ARNT: variants seen among roughly 807,000 people sequenced by gnomAD.
ARNT encodes the protein class E basic helix-loop-helix protein 2.
Under a neutral mutation model 105.0 loss-of-function variants are expected in ARNT, and 30 were observed. That is an observed-to-expected ratio of 0.29 (90% confidence interval 0.21 to 0.39). The LOEUF is 0.39. ARNT is among the 10% of genes least tolerant of loss of function. ARNT has a pLI of 1.00. For synonymous variants in ARNT, 304 were observed against 344.0 expected (o/e 0.88, Z 1.29); for missense variants, 748 against 978.7 (o/e 0.76, Z 3.15).
chr1:150,818,250 G>T, intron 14 of ARNT: 1 of 449,730 alleles, frequency 2.2e-6, no homozygotes, highest in Non-Finnish European at 4.0e-6. Context: ...TCATCTTGTT[G>T]GGTTCTAACT....
At chr1:150,862,247 G>A (rs866742025) in intron 1 of ARNT, among the ~76,000 whole-genome samples, 5 of 152,082 alleles carry the variant, frequency 3.3e-5, no homozygotes, top group South Asian at 2.1e-4. Flanking sequence ...ATGCACAGGT[G>A]CCAGTACTTC....
chr1:150,854,168 C>G (rs1664129302), intron 2 of ARNT, among the ~76,000 whole-genome samples: 1 of 152,194 alleles, frequency 6.6e-6, no homozygotes, highest in South Asian at 2.1e-4. Context: ...TCACTGCCAC[C>G]TTGAGCTCCT....
intron 1 of ARNT, among the ~76,000 whole-genome samples, chr1:150,871,078 T>G (rs1010115520): frequency 1.1e-4 from 17 of 151,998 alleles, no homozygotes; most frequent in Non-Finnish European, 2.2e-4. Flanking sequence ...TTGAAGAGTT[T>G]ATGTGAAAAG....
intron 12 of ARNT, among the ~76,000 whole-genome samples, chr1:150,828,355 T>G (rs900234217): frequency 4.7e-5 from 7 of 149,810 alleles, no homozygotes; most frequent in South Asian, 2.2e-4. Flanking sequence ...TTTTTGTTTT[T>G]TTTTTTTTTT....
At chr1:150,839,315 G>A in intron 6 of ARNT, 126 bp downstream of exon 6, 1 of 838,972 alleles carries the variant, frequency 1.2e-6, no homozygotes, top group Non-Finnish European at 1.9e-6. Context: ...TTATAGCCAA[G>A]GATTGAAATT....
chr1:150,839,805 C>A, intron 5 of ARNT, 151 bp from the exon 6 acceptor site: 1 of 775,100 alleles, frequency 1.3e-6, no homozygotes, highest in Non-Finnish European at 2.1e-6. Flanking sequence ...TAAGGTTTGC[C>A]AACCTTCTCA....
intron 11 of ARNT, 32 bp downstream of exon 11, chr1:150,829,872 C>T (rs745988037): frequency 3.2e-5 from 52 of 1,608,012 alleles, no homozygotes; most frequent in East Asian, 6.7e-5. Context: ...TCTAATTGAA[C>T]GGGAATATAG....
At chr1:150,829,276 G>C in intron 11 of ARNT, 49 bp from the exon 12 acceptor site, 1 of 1,572,904 alleles carries the variant, frequency 6.4e-7, no homozygotes. Context: ...ATTATTTACA[G>C]ATGTATTTCC....
At chr1:150,873,561 TC>T (rs1667804876) in intron 1 of ARNT, among the ~76,000 whole-genome samples, 1 of 152,134 alleles carries the variant, frequency 6.6e-6, no homozygotes, top group Non-Finnish European at 1.5e-5. Context: ...AAGAACGTGG[TC>T]CCCTTGAAAA....
At chr1:150,866,346 T>C (rs587729230) in intron 1 of ARNT, among the ~76,000 whole-genome samples, 2 of 152,336 alleles carry the variant, frequency 1.3e-5, no homozygotes, top group East Asian at 3.9e-4. Context: ...ATCTGATACC[T>C]GAATCTTTTG....
intron 3 of ARNT, 23 bp from the exon 4 acceptor site, chr1:150,846,330 T>C: frequency 1.9e-6 from 3 of 1,611,762 alleles, no homozygotes; most frequent in South Asian, 1.1e-5. Flanking sequence ...AAAAGGATTG[T>C]TTCAAAGCAT....
chr1:150,812,227 A>G, intron 21 of ARNT, 117 bp from the exon 22 acceptor site: 1 of 656,510 alleles, frequency 1.5e-6, no homozygotes, highest in Non-Finnish European at 2.3e-6. Flanking sequence ...TGCTGTGCTG[A>G]GCTCTTAGCC....
chr1:150,842,180 GA>G lies in ARNT; in HGVS notation c.272+243del, dbSNP rs113429332. 6.7e-5 allele frequency: 54 copies of G among 801,822 alleles called. 1 individual carries two copies. The highest frequency in any genetic ancestry group is 6.3e-4 in the Middle Eastern group (1 of 1,598). 49.7% of individuals were successfully genotyped at this position (801,822 alleles called of 1,614,324 possible). On this transcript the variant is annotated intron_variant, in intron 5 of 21. Transcript: ENST00000358595. ...CTTAGTACTGACATAAAGAGAAAAA[GA>G]AAAAAAAACTTAAAACTAATAGCAA...
intron 14 of ARNT, among the ~76,000 whole-genome samples, chr1:150,821,305 A>G (rs1657010467): frequency 6.6e-6 from 1 of 152,198 alleles, no homozygotes; most frequent in South Asian, 2.1e-4. Context: ...CAGCATCACT[A>G]GTGGCACTTC....
In ARNT at chr1:150,858,373, T is replaced by C. The variant is rs995636924; in HGVS notation, c.113A>G (p.Gln38Arg). The C allele has an allele frequency of 4.4e-6, 7 of 1,608,694 alleles. No individual in the cohort carries two copies. The highest frequency in any genetic ancestry group is 5.9e-6 in the Non-Finnish European group (7 of 1,177,304). Residue 38 changes from glutamine (Q) to arginine (R), a missense_variant, in exon 2 of 22, where the codon CAG becomes CGG. Around this residue, in one of 4 missense-constraint regions of ARNT, gnomAD observed 93 missense variants for 101.6 expected, o/e 0.92. Coordinates refer to ENST00000358595, the MANE Select transcript of ARNT (RefSeq NM_001668.4). Reference protein sequence around the residue: ...PGIQGGGAIVQRAIKRRPGLD... With the variant: ...PGIQGGGAIVRRAIKRRPGLD... ...CCCTGGTCGCCGCTTAATAGCCCTC[T>C]GGACAATGGCTCCTCCACCTTGAAT...
intron 21 of ARNT, chr1:150,812,775 G>A (rs1654993868): frequency 1.3e-5 from 2 of 157,814 alleles, no homozygotes; most frequent in African/African-American, 4.8e-5. Context: ...CTATTTGAAT[G>A]AGCTAAAGTA....
intron 1 of ARNT, among the ~76,000 whole-genome samples, chr1:150,866,737 AGAGTT>A (rs1229836643): frequency 6.6e-6 from 1 of 152,208 alleles, no homozygotes; most frequent in Admixed American, 6.5e-5. Context: ...AGACCTGAGA[AGAGTT>A]AATAACCCAG....
In ARNT at chr1:150,850,304, T is replaced by C. The variant is rs138052998; in HGVS notation, c.182+2458A>G. ...TCTCCCCACGGTCTCCCTCTCCCTC[T>C]CTTTCCACGGTCTCCCTCTGATGCC... On this transcript the variant is annotated intron_variant, in intron 3 of 21. Transcript: ENST00000358595. Among the ~76,000 whole-genome samples, 794 of 152,174 alleles carry C rather than the reference T, an allele frequency of 5.2e-3. 6 individuals are homozygous for C. Among genetic ancestry groups the C allele is most frequent in the African/African-American group, 0.018 (749 of 41,530 alleles).
At chr1:150,876,409 C>G in intron 1 of ARNT, 134 bp downstream of exon 1, 1 of 1,459,386 alleles carries the variant, frequency 6.9e-7, no homozygotes, top group Non-Finnish European at 9.1e-7. Context: ...ACCGCTCCCC[C>G]ACCGTCTCTC....
Sources: allele counts gnomAD v4.1 joint callset (sites outside exome capture counted in the v4.1 genomes callset), GRCh38; gene constraint gnomAD v4.1.1; regional missense constraint gnomAD v4.1.1; transcripts MANE v1.5; gene names NCBI Gene and HGNC (gene_info 2026-07-23, HGNC 2026-07-21).